Variants in SEMA3A observed in about 807,000 individuals in gnomAD.
SEMA3A encodes the protein semaphorin 3A.
A neutral mutation model predicts 97.9 loss-of-function variants in SEMA3A; 29 were observed. The ratio of observed to expected loss-of-function variants is 0.30; its 90% confidence interval spans 0.22 to 0.40. The LOEUF (loss-of-function observed/expected upper bound fraction) is 0.40. Ranked by LOEUF, SEMA3A falls within the 10% of genes least tolerant of loss-of-function variation. The pLI, the probability that SEMA3A is intolerant of heterozygous loss-of-function variation, is 1.00. For synonymous variants in SEMA3A, 321 were observed against 323.7 expected, an observed-to-expected ratio of 0.99 and a Z score of 0.09; for missense variants, 763 against 951.3, an observed-to-expected ratio of 0.80 and a Z score of 2.60.
chr7:84,408,789 C>T (rs1804179745), intron 1 of SEMA3A, among the ~76,000 whole-genome samples: 1 of 151,348 alleles, frequency 6.6e-6, no homozygotes, highest in Non-Finnish European at 1.5e-5. Context: ...CAAACTATCG[C>T]AAGGACAAAA....
intron 1 of SEMA3A, among the ~76,000 whole-genome samples, chr7:84,481,451 G>A (rs1468323449): frequency 6.6e-6 from 1 of 152,154 alleles, no homozygotes; most frequent in Non-Finnish European, 1.5e-5. Context: ...TACAACTGAT[G>A]TTGAAATCCA....
At chr7:84,160,556 A>T (rs1317324937) in intron 1 of SEMA3A, among the ~76,000 whole-genome samples, 1 of 151,570 alleles carries the variant, frequency 6.6e-6, no homozygotes, top group Non-Finnish European at 1.5e-5. Flanking sequence ...CTCAAGATAA[A>T]GAAATAAATA....
intron 1 of SEMA3A, among the ~76,000 whole-genome samples, chr7:84,380,079 T>C (rs2116135985): frequency 6.6e-6 from 1 of 152,310 alleles, no homozygotes; most frequent in Admixed American, 6.5e-5. Context: ...TTGTGTGCAT[T>C]CAAAAAGAGT....
chr7:84,185,489 T>C (rs1195640983), intron 1 of SEMA3A, among the ~76,000 whole-genome samples: 2 of 151,646 alleles, frequency 1.3e-5, no homozygotes, highest in African/African-American at 4.8e-5. Context: ...CTGGACAACA[T>C]AGTGAAACAC....
At chr7:84,365,584 A>T (rs1380580312) in intron 2 of SEMA3A, among the ~76,000 whole-genome samples, 1 of 151,500 alleles carries the variant, frequency 6.6e-6, no homozygotes, top group African/African-American at 2.4e-5. Flanking sequence ...CTGTATTATT[A>T]TTATTTTTTC....
At chr7:84,407,978 G>C (rs890267885) in intron 1 of SEMA3A, among the ~76,000 whole-genome samples, 1 of 152,128 alleles carries the variant, frequency 6.6e-6, no homozygotes, top group Non-Finnish European at 1.5e-5. Context: ...CAGGACATAA[G>C]CATGGGCAAG....
rs555527525 is a variant in SEMA3A at position 84,113,247 on chromosome 7, A to C, written c.334-2658T>G. Among the ~76,000 whole-genome samples the C allele has an allele frequency of 1.9e-3, 295 of 152,350 alleles. 1 individual carries two copies. Among genetic ancestry groups the C allele is most frequent in the African/African-American group, 6.6e-3 (275 of 41,598 alleles). ...GCATTAAAAGAACTGGACAGAGAAGAAGCAAAAATTTGACAGAGACATTGT... is the reference window on the plus strand; with the variant it reads ...GCATTAAAAGAACTGGACAGAGAAGCAGCAAAAATTTGACAGAGACATTGT... On this transcript the variant is annotated intron_variant, in intron 3 of 16. Transcript: ENST00000265362.
At chr7:84,012,206 GAA>G (rs1489153933) in intron 7 of SEMA3A, among the ~76,000 whole-genome samples, 2 of 152,096 alleles carry the variant, frequency 1.3e-5, no homozygotes, top group Non-Finnish European at 2.9e-5. Flanking sequence ...TGAAAATTGT[GAA>G]AAGAGTAGAT....
At chr7:84,156,127 T>C (rs1796839040) in intron 1 of SEMA3A, among the ~76,000 whole-genome samples, 1 of 152,140 alleles carries the variant, frequency 6.6e-6, no homozygotes, top group Non-Finnish European at 1.5e-5. Context: ...ATTTTGTTTT[T>C]GCCTTTTTCA....
intron 6 of SEMA3A, among the ~76,000 whole-genome samples, chr7:84,042,451 C>G (rs975910197): frequency 6.6e-6 from 1 of 152,046 alleles, no homozygotes; most frequent in African/African-American, 2.4e-5. Context: ...AAACCCGACT[C>G]TGGCTGCCCT....
At chr7:84,284,287 T>C (rs1800526396) in intron 3 of SEMA3A, among the ~76,000 whole-genome samples, 1 of 152,188 alleles carries the variant, frequency 6.6e-6, no homozygotes, top group African/African-American at 2.4e-5. Context: ...AGGGACTACC[T>C]ACTAAAGGAA....
intron 2 of SEMA3A, among the ~76,000 whole-genome samples, chr7:84,133,596 T>TA (rs1208641641): frequency 6.6e-6 from 1 of 152,130 alleles, no homozygotes; most frequent in Non-Finnish European, 1.5e-5. Context: ...ATTCTACTAT[T>TA]ACCTTTATGA....
intron 1 of SEMA3A, among the ~76,000 whole-genome samples, chr7:84,402,645 T>C (rs966677384): frequency 1.3e-5 from 2 of 152,128 alleles, no homozygotes; most frequent in African/African-American, 4.8e-5. Context: ...CATGATGGAA[T>C]ATTTTCAGCC....
At position 84,285,910 on chromosome 7, in the gene SEMA3A, T is replaced by G. The variant is rs1459194574; in HGVS notation, c.-83+21297A>C. Reference sequence around the variant, plus strand: ...GACATGATTGTGAGACATGATTGACTGTGAGTGAGACATGATCGACTGCAC... The same window carrying G: ...GACATGATTGTGAGACATGATTGACGGTGAGTGAGACATGATCGACTGCAC... On this transcript the variant is annotated intron_variant, in intron 3 of 3. Transcript: ENST00000424555. 4.8e-5 allele frequency among the ~76,000 whole-genome samples: 7 copies of G among 146,182 alleles called. No homozygotes were observed. The Admixed American group carries it at 5.0e-4, about 10-fold the overall frequency.
chr7:84,046,135 T>G (rs540606994), intron 6 of SEMA3A, among the ~76,000 whole-genome samples, 189 bp downstream of exon 6: 48 of 152,138 alleles, frequency 3.2e-4, no homozygotes, highest in African/African-American at 1.1e-3. Flanking sequence ...AAATGAATCT[T>G]TCCTGAATAT....
At chr7:84,426,277 C>CAGACAGATAGAT (rs1554384466) in intron 1 of SEMA3A, among the ~76,000 whole-genome samples, 24 of 133,114 alleles carry the variant, frequency 1.8e-4, no homozygotes, top group African/African-American at 6.6e-4. Flanking sequence ...GATATATAGA[C>CAGACAGATAGAT]AGATAGATAG....
intron 1 of SEMA3A, among the ~76,000 whole-genome samples, chr7:84,425,152 A>G (rs1378042449): frequency 2.7e-4 from 30 of 111,058 alleles, no homozygotes; most frequent in African/African-American, 1.0e-3. Context: ...ATATATATTT[A>G]TATATTATAA....
chr7:84,179,174 C>A (rs1435522172), intron 1 of SEMA3A, among the ~76,000 whole-genome samples: 4 of 152,112 alleles, frequency 2.6e-5, no homozygotes, highest in Non-Finnish European at 5.9e-5. Flanking sequence ...ATCGTACTTA[C>A]CTATACATAT....
chr7:84,011,321 T>A, intron 7 of SEMA3A, 24 bp from the exon 8 acceptor site: 1 of 1,356,034 alleles, frequency 7.4e-7, no homozygotes, highest in African/African-American at 1.4e-5. Context: ...ACACCAGTGT[T>A]AGGCACTGTT....
Sources: gnomAD v4.1 joint callset for allele counts (sites outside exome capture counted in the v4.1 genomes callset) on GRCh38, gnomAD v4.1.1 for gene constraint, MANE v1.5 for transcripts, NCBI Gene and HGNC (gene_info 2026-07-23, HGNC 2026-07-21) for gene names.